Variants in MTF2 observed in about 807,000 individuals in gnomAD.
MTF2 encodes the protein metal response element binding transcription factor 2.
A neutral mutation model predicts 79.5 loss-of-function variants in MTF2; 11 were observed. The observed-to-expected ratio is 0.14, with a 90% CI of 0.09 to 0.23. The LOEUF (loss-of-function observed/expected upper bound fraction) is 0.23, where lower values mean the gene tolerates loss of function less well. MTF2 is among the 10% of genes least tolerant of loss of function. The pLI is 1.00. For synonymous variants in MTF2, 208 were observed against 232.8 expected (o/e 0.89, Z 0.97); for missense variants, 486 against 711.2 (o/e 0.68, Z 3.60).
At chr1:93,116,063 C>G (rs932895801) in intron 6 of MTF2, among the ~76,000 whole-genome samples, 1 of 152,030 alleles carries the variant, frequency 6.6e-6, no homozygotes, top group Non-Finnish European at 1.5e-5. Context: ...CTGCTTTCTT[C>G]TACGTATTTT....
intron 3 of MTF2, 141 bp from the exon 4 acceptor site, chr1:93,114,547 A>G (rs545180454): frequency 3.5e-5 from 19 of 544,614 alleles, no homozygotes; most frequent in African/African-American, 3.1e-4. Context: ...GAGAGATACC[A>G]TTCGTGTACT....
intron 9 of MTF2, among the ~76,000 whole-genome samples, chr1:93,126,360 A>C (rs1372373317): frequency 6.6e-6 from 1 of 152,050 alleles, no homozygotes; most frequent in African/African-American, 2.4e-5. Context: ...TAGCTCCAGC[A>C]TTCTATTTGG....
At chr1:93,103,948 G>A (rs972331598) in intron 1 of MTF2, among the ~76,000 whole-genome samples, 1 of 152,072 alleles carries the variant, frequency 6.6e-6, no homozygotes, top group Non-Finnish European at 1.5e-5. Flanking sequence ...CGTTATTTAT[G>A]TATGTATTTT....
chr1:93,090,973 A>G (rs998166288), intron 1 of MTF2, among the ~76,000 whole-genome samples: 2 of 151,982 alleles, frequency 1.3e-5, no homozygotes, highest in South Asian at 2.1e-4. Flanking sequence ...TATTTTTCCT[A>G]GTTTTAACAA....
At chr1:93,134,016 T>C (rs777450005) in intron 13 of MTF2, 36 bp downstream of exon 13, 2 of 1,556,866 alleles carry the variant, frequency 1.3e-6, no homozygotes, top group Non-Finnish European at 1.8e-6. Context: ...TTCTAGGTTT[T>C]GTCTTTTGAG....
intron 7 of MTF2, among the ~76,000 whole-genome samples, chr1:93,118,703 T>A (rs1047800343): frequency 3.5e-4 from 54 of 152,360 alleles, no homozygotes; most frequent in African/African-American, 1.3e-3. Context: ...ATTGGTACCT[T>A]CCTTTAAAGA....
In MTF2 at chr1:93,133,936, A is replaced by G; in HGVS notation, c.1275A>G (p.Glu425=). 1 of 1,575,802 alleles carries G rather than the reference A, an allele frequency of 6.3e-7. No homozygotes were observed. Among genetic ancestry groups the G allele is most frequent in the Non-Finnish European group, 8.7e-7 (1 of 1,149,654 alleles). ...ATATTTTTATTTTCCAGGATAAGGA[A>G]TCAATTTCAGAGAATCCTACTTTGG... ...QKTAEPLLDK[E]SISENPTLDL... Residue 425 remains glutamate (E), a synonymous_variant, in exon 13 of 15, where the codon GAA becomes GAG. Transcript: ENST00000370298.
At chr1:93,105,254 A>G (rs1655724154) in intron 1 of MTF2, among the ~76,000 whole-genome samples, 1 of 152,120 alleles carries the variant, frequency 6.6e-6, no homozygotes, top group Non-Finnish European at 1.5e-5. Flanking sequence ...GAGTGGAGAC[A>G]TTAAGCGTGT....
chr1:93,099,620 A>G (rs1249534610), intron 1 of MTF2, among the ~76,000 whole-genome samples: 1 of 152,190 alleles, frequency 6.6e-6, no homozygotes, highest in Non-Finnish European at 1.5e-5. Context: ...TGGGATTGAA[A>G]TAGATATGCA....
Position 93,118,459 on chromosome 1 carries a change from C to G in MTF2, c.728+19C>G, listed in dbSNP as rs2101070507. On this transcript the variant is annotated intron_variant, in intron 7 of 14. Coordinates refer to ENST00000370298, the MANE Select transcript of MTF2 (RefSeq NM_007358.4). ...GAGACAGGTGAGAAGGGCATTTGAA[C>G]TTTACTGGCTGATTTTTGTCACTTT... 1 of 1,500,812 alleles carries G rather than the reference C, an allele frequency of 6.7e-7. No homozygotes were observed. The allele number at this position is 1,500,812 out of a possible 1,614,324, so 93.0% of individuals were successfully genotyped here.
In MTF2 at chr1:93,093,964, G is replaced by A. The variant is rs568887512; in HGVS notation, c.5+14433G>A. 5.3e-5 allele frequency among the ~76,000 whole-genome samples: 8 copies of A among 152,272 alleles called. No individual in the cohort carries two copies. In the East Asian group the frequency reaches 1.5e-3, roughly 29 times the overall value. On this transcript the variant is annotated intron_variant, in intron 1 of 14. Transcript: ENST00000370298. Reference sequence around the variant, plus strand: ...ATTTATTTTTCACTCAGATTTTTAAGTGAATAGTTCCACTGTCTTCTGACT... The same window carrying A: ...ATTTATTTTTCACTCAGATTTTTAAATGAATAGTTCCACTGTCTTCTGACT...
chr1:93,131,996 A>C (rs1277555439), intron 11 of MTF2, among the ~76,000 whole-genome samples: 2 of 151,974 alleles, frequency 1.3e-5, no homozygotes, highest in African/African-American at 4.8e-5. Context: ...ACTTGTACAG[A>C]GAGGGGAATT....
In MTF2 at chr1:93,085,579, C is replaced by A. The variant is rs1024107806; in HGVS notation, c.5+6048C>A. 5.9e-5 allele frequency among the ~76,000 whole-genome samples: 9 copies of A among 151,772 alleles called. No homozygotes were observed. The East Asian group carries it at 1.7e-3, about 29-fold the overall frequency. ...ATAGCTCACTGTACCCTCAAACTCC[C>A]GGGCTCAAGTGATCCTTCCACCTCA... On this transcript the variant is annotated intron_variant, in intron 1 of 14. Coordinates refer to ENST00000370298, the MANE Select transcript of MTF2 (RefSeq NM_007358.4).
intron 3 of MTF2, among the ~76,000 whole-genome samples, chr1:93,114,049 A>G (rs1290196460): frequency 1.2e-5 from 1 of 85,494 alleles, no homozygotes; most frequent in East Asian, 3.3e-4. Context: ...GAAATGCTTC[A>G]CTTGTTCTGC....
chr1:93,129,519 T>A (rs1412153665), intron 11 of MTF2, 71 bp downstream of exon 11: 2 of 1,184,466 alleles, frequency 1.7e-6, no homozygotes, highest in East Asian at 2.6e-5. Context: ...TTATTTAGTC[T>A]CCTTAGTATA....
chr1:93,096,786 T>C (rs1411900130), intron 1 of MTF2, among the ~76,000 whole-genome samples: 1 of 149,606 alleles, frequency 6.7e-6, no homozygotes, highest in Non-Finnish European at 1.5e-5. Flanking sequence ...TTTAAAAGTG[T>C]ATATTTTCTT....
Position 93,110,364 on chromosome 1 carries a change from A to C in MTF2, c.140A>C (p.Glu47Ala). The C allele has an allele frequency of 6.2e-7, 1 of 1,614,190 alleles. No homozygotes were observed. The highest frequency in any genetic ancestry group is 8.5e-7 in the Non-Finnish European group (1 of 1,180,032). The change falls in exon 2 of 15, where the codon GAA becomes GCA. Residue 47 changes from glutamate (E) to alanine (A), a missense_variant. Transcript: ENST00000370298. Reference sequence around the variant, plus strand: ...GCCAAAAAGCCAGCATGTAAATTTGAAGAGGGTCAGGATGTCCTAGCTAGA... The same window carrying C: ...GCCAAAAAGCCAGCATGTAAATTTGCAGAGGGTCAGGATGTCCTAGCTAGA... ...HKAKKPACKF[E>A]EGQDVLARWS...
At chr1:93,098,948 G>A (rs1424802959) in intron 1 of MTF2, among the ~76,000 whole-genome samples, 1 of 152,152 alleles carries the variant, frequency 6.6e-6, no homozygotes, top group African/African-American at 2.4e-5. Flanking sequence ...TTTCAGCAAG[G>A]TGAGGGATGA....
At chr1:93,080,041 G>GT (rs1654536472) in intron 1 of MTF2, among the ~76,000 whole-genome samples, 1 of 152,070 alleles carries the variant, frequency 6.6e-6, no homozygotes, top group Non-Finnish European at 1.5e-5. Context: ...GGGGTCGAGT[G>GT]TAAGTGCTGG....
Sources: allele counts gnomAD v4.1 joint callset (sites outside exome capture counted in the v4.1 genomes callset), GRCh38; gene constraint gnomAD v4.1.1; transcripts MANE v1.5; gene names NCBI Gene and HGNC (gene_info 2026-07-23, HGNC 2026-07-21).